RAP1A: variants seen among roughly 807,000 people sequenced by gnomAD.
RAP1A encodes the protein ras-related protein Rap-1A.
RAP1A carries 6 observed loss-of-function variants against 26.4 expected under a neutral mutation model. The observed-to-expected ratio is 0.23, with a 90% CI of 0.12 to 0.45. RAP1A has a LOEUF of 0.45. Among genes scored for constraint, RAP1A ranks in the 20% least tolerant of loss-of-function variants. The pLI is 0.99. For missense variants in RAP1A, 121 were observed against 217.2 expected, an observed-to-expected ratio of 0.56 and a Z score of 2.78; for synonymous variants, 73 against 79.4, an observed-to-expected ratio of 0.92 and a Z score of 0.43.
intron 1 of RAP1A, among the ~76,000 whole-genome samples, chr1:111,609,623 G>T (rs1658885496): frequency 6.6e-6 from 1 of 152,206 alleles, no homozygotes; most frequent in Non-Finnish European, 1.5e-5. Context: ...TATTCAATAT[G>T]TAAATATTGA....
intron 1 of RAP1A, among the ~76,000 whole-genome samples, chr1:111,685,786 A>G (rs562204119): frequency 6.6e-6 from 1 of 152,362 alleles, no homozygotes; most frequent in Non-Finnish European, 1.5e-5. Context: ...ATATACCCAA[A>G]GGATTAGAAA....
At chr1:111,661,026 C>T (rs932474771) in intron 1 of RAP1A, among the ~76,000 whole-genome samples, 7 of 152,212 alleles carry the variant, frequency 4.6e-5, no homozygotes, top group African/African-American at 1.7e-4. Context: ...GAACACTTTA[C>T]CAGCTGACTT....
intron 1 of RAP1A, among the ~76,000 whole-genome samples, chr1:111,629,076 G>C (rs1392668065): frequency 6.6e-6 from 1 of 152,034 alleles, no homozygotes. Context: ...TCTGCATGTG[G>C]TTTTTGTAGC....
chr1:111,542,402 G>A (rs1335787289), exon 1 of RAP1A: 2 of 236,434 alleles, frequency 8.5e-6, no homozygotes, highest in African/African-American at 4.6e-5. Context: ...GCTGCCTGAG[G>A]ACCTCCATTT....
At chr1:111,575,313 TC>T (rs1024715386) in intron 1 of RAP1A, among the ~76,000 whole-genome samples, 3 of 152,068 alleles carry the variant, frequency 2.0e-5, no homozygotes, top group African/African-American at 7.2e-5. Context: ...ATCACCACAC[TC>T]AGCTAATTTT....
intron 1 of RAP1A, among the ~76,000 whole-genome samples, chr1:111,666,678 G>A (rs1557884202): frequency 1.3e-5 from 2 of 152,000 alleles, no homozygotes; most frequent in Admixed American, 6.6e-5. Flanking sequence ...TTTGTGATCA[G>A]TATTGCTTAG....
chr1:111,638,485 G>A (rs1385041125), intron 1 of RAP1A, among the ~76,000 whole-genome samples: 3 of 151,672 alleles, frequency 2.0e-5, no homozygotes, highest in East Asian at 1.9e-4. Flanking sequence ...TCCTACCCCC[G>A]GGCTAGGGTG....
chr1:111,714,398 T>A lies in RAP1A; in HGVS notation c.*1997T>A, dbSNP rs987091778. On this transcript the variant is annotated 3_prime_UTR_variant, in exon 8 of 8. Coordinates refer to ENST00000369709, the MANE Select transcript of RAP1A (RefSeq NM_002884.4). ...GACATCTCATCAACCAGTAAAACTTTCTAAATACTACCTTGTCACATCTAT... is the reference window on the plus strand; with the variant it reads ...GACATCTCATCAACCAGTAAAACTTACTAAATACTACCTTGTCACATCTAT... 6.6e-6 allele frequency: 1 copy of A among 152,238 alleles called. No homozygotes were observed. Among genetic ancestry groups the A allele is most frequent in the African/African-American group, 2.4e-5 (1 of 41,452 alleles). The allele number at this position is 152,238 out of a possible 1,614,324, so 9.4% of individuals were successfully genotyped here.
At chr1:111,549,193 G>A (rs1657153499) in intron 1 of RAP1A, among the ~76,000 whole-genome samples, 1 of 152,066 alleles carries the variant, frequency 6.6e-6, no homozygotes, top group Non-Finnish European at 1.5e-5. Context: ...TGGTCTTATA[G>A]AAGGTGTTAG....
intron 1 of RAP1A, among the ~76,000 whole-genome samples, chr1:111,681,078 C>G (rs185716533): frequency 5.2e-4 from 79 of 152,256 alleles, no homozygotes; most frequent in Non-Finnish European, 1.0e-3. Flanking sequence ...AACCCCGTCT[C>G]TACTAAAAAT....
intron 1 of RAP1A, among the ~76,000 whole-genome samples, chr1:111,557,090 A>G (rs1299478177): frequency 6.6e-6 from 1 of 151,864 alleles, no homozygotes; most frequent in Non-Finnish European, 1.5e-5. Flanking sequence ...CAGATCTACA[A>G]AGAGAAATGT....
rs114673620 is a variant in RAP1A at position 111,642,267 on chromosome 1, T to A, written c.-28+22333T>A. Among the ~76,000 whole-genome samples, 315 of 151,808 alleles carry A rather than the reference T, an allele frequency of 2.1e-3. 1 individual carries two copies. The highest frequency in any genetic ancestry group is 7.1e-3 in the African/African-American group (292 of 41,404). On this transcript the variant is annotated intron_variant, in intron 1 of 7. Coordinates refer to ENST00000369709, the MANE Select transcript of RAP1A (RefSeq NM_002884.4). ...TCTCAAAAAATTAAATTAAATTAAA[T>A]TAAAATAAAGGGACAATAATCCCCA...
At chr1:111,705,001 A>G (rs1297294913) in intron 6 of RAP1A, among the ~76,000 whole-genome samples, 2 of 151,950 alleles carry the variant, frequency 1.3e-5, no homozygotes, top group Non-Finnish European at 2.9e-5. Context: ...CTGATGCACA[A>G]GGCTTTTGTG....
intron 1 of RAP1A, among the ~76,000 whole-genome samples, chr1:111,613,725 A>T (rs1658967288): frequency 6.6e-6 from 1 of 152,194 alleles, no homozygotes; most frequent in Admixed American, 6.5e-5. Flanking sequence ...ACTTGCTTGG[A>T]TATCACAGCA....
At chr1:111,693,171 G>T (rs779900504) in intron 2 of RAP1A, among the ~76,000 whole-genome samples, 10 of 152,126 alleles carry the variant, frequency 6.6e-5, no homozygotes, top group Admixed American at 6.5e-4. Context: ...GGAAAGAGAT[G>T]ATCAGAGAGC....
At chr1:111,629,342 TC>T (rs1167653083) in intron 1 of RAP1A, among the ~76,000 whole-genome samples, 3 of 152,152 alleles carry the variant, frequency 2.0e-5, no homozygotes, top group Non-Finnish European at 4.4e-5. Flanking sequence ...TGACTAGAGC[TC>T]TACTCATACT....
intron 1 of RAP1A, among the ~76,000 whole-genome samples, chr1:111,675,990 A>G (rs1035653754): frequency 1.3e-5 from 2 of 152,210 alleles, no homozygotes; most frequent in Admixed American, 6.5e-5. Flanking sequence ...CCACAAGAAC[A>G]GTATAGGAGA....
chr1:111,695,318 A>G lies in RAP1A; in HGVS notation c.58-23A>G, dbSNP rs776124391. 97 of 1,521,698 alleles carry G rather than the reference A, an allele frequency of 6.4e-5. No individual in the cohort carries two copies. The Middle Eastern group carries it at 5.3e-3, about 84-fold the overall frequency. The allele number at this position is 1,521,698 out of a possible 1,614,324, so 94.3% of individuals were successfully genotyped here. A position where few individuals can be genotyped will look rare whatever the true frequency, so the allele number is the denominator to read the frequency against. On this transcript the variant is annotated intron_variant, in intron 2 of 7. Coordinates refer to ENST00000369709, the MANE Select transcript of RAP1A (RefSeq NM_002884.4). The stretch of plus-strand genomic sequence containing the variant: ...AGGAGTTTTCCTTTAATTTTTTAAT[A>G]TTTCTCTTTTTTTTTCCCCCAGACA...
intron 1 of RAP1A, among the ~76,000 whole-genome samples, chr1:111,606,796 G>A (rs1030525888): frequency 2.0e-5 from 3 of 152,188 alleles, no homozygotes; most frequent in African/African-American, 7.2e-5. Flanking sequence ...ACAGCTCAAA[G>A]ATGTGAGTTT....
Sources: allele counts gnomAD v4.1 joint callset (sites outside exome capture counted in the v4.1 genomes callset), GRCh38; gene constraint gnomAD v4.1.1; transcripts MANE v1.5; gene names NCBI Gene and HGNC (gene_info 2026-07-23, HGNC 2026-07-21).